The following LRRC4C variants were observed in gnomAD, a reference collection of about 807,000 sequenced individuals.
LRRC4C encodes leucine-rich repeat-containing protein 4C.
Under a neutral mutation model 33.6 loss-of-function variants are expected in LRRC4C, and 5 were observed. The ratio of observed to expected loss-of-function variants is 0.15; its 90% confidence interval spans 0.08 to 0.31. The LOEUF is 0.31. Ranked by LOEUF, LRRC4C falls within the 10% of genes least tolerant of loss-of-function variation. The pLI is 1.00. For missense variants in LRRC4C, 560 were observed against 796.7 expected (o/e 0.70, Z 3.58); for synonymous variants, 329 against 302.0 (o/e 1.09, Z -0.93).
chr11:40,283,440 A>G (rs181075900), intron 4 of LRRC4C, among the ~76,000 whole-genome samples: 1 of 152,134 alleles, frequency 6.6e-6, no homozygotes, highest in Admixed American at 6.6e-5. Flanking sequence ...AAAAATTGCA[A>G]TGTTTTATTA....
At chr11:40,364,496 A>T (rs572393154) in intron 3 of LRRC4C, among the ~76,000 whole-genome samples, 1 of 152,110 alleles carries the variant, frequency 6.6e-6, no homozygotes, top group East Asian at 1.9e-4. Context: ...AGCAAATGGA[A>T]CTTGAATACA....
chr11:40,559,175 A>G (rs563777298), intron 3 of LRRC4C, among the ~76,000 whole-genome samples: 55 of 141,286 alleles, frequency 3.9e-4, no homozygotes, highest in African/African-American at 1.4e-3. Context: ...ATTCGCTTGC[A>G]TGCGTCTTTT....
At chr11:40,245,940 T>A (rs539940237) in intron 4 of LRRC4C, among the ~76,000 whole-genome samples, 27 of 152,032 alleles carry the variant, frequency 1.8e-4, no homozygotes, top group Admixed American at 1.8e-3. Context: ...TTAAAATTCT[T>A]AGATACATGA....
intron 3 of LRRC4C, among the ~76,000 whole-genome samples, chr11:40,579,343 A>G (rs1342147241): frequency 1.3e-5 from 2 of 151,704 alleles, no homozygotes; most frequent in African/African-American, 2.4e-5. Context: ...AAAGGAATAG[A>G]AAAAAAAGTA....
At chr11:41,253,031 CAAAATGTTATTTTGAGTAA>C (rs1201146095) in intron 1 of LRRC4C, among the ~76,000 whole-genome samples, 1 of 152,054 alleles carries the variant, frequency 6.6e-6, no homozygotes, top group Non-Finnish European at 1.5e-5. Context: ...TTTAACTCAC[CAAAATGTTATTTTGAGTAA>C]GAGTCAAGAC....
At chr11:41,192,768 G>T (rs1428775427) in intron 1 of LRRC4C, among the ~76,000 whole-genome samples, 1 of 152,096 alleles carries the variant, frequency 6.6e-6, no homozygotes, top group Non-Finnish European at 1.5e-5. Context: ...GTAAGGTTAA[G>T]AATCTAAAGC....
intron 1 of LRRC4C, among the ~76,000 whole-genome samples, chr11:41,314,724 C>T (rs74748048): frequency 0.015 from 2,229 of 151,812 alleles, 57 homozygotes; most frequent in African/African-American, 0.05. Flanking sequence ...GTGCAGCAAA[C>T]GAACAGGGCA....
chr11:41,132,385 T>C (rs1304662746), intron 1 of LRRC4C, among the ~76,000 whole-genome samples: 1 of 152,160 alleles, frequency 6.6e-6, no homozygotes, highest in African/African-American at 2.4e-5. Context: ...TAAATGTATT[T>C]TTAAAACTTT....
intron 3 of LRRC4C, among the ~76,000 whole-genome samples, chr11:40,635,628 A>ATTTTTTTTTTTTTTTTTTTTTTTTT (rs71060975): frequency 2.2e-5 from 2 of 92,198 alleles, no homozygotes; most frequent in African/African-American, 8.1e-5. Flanking sequence ...AAAGAACCAA[A>ATTTTTTTTTTTTTTTTTTTTTTTTT]TTTTTTTTTT....
chr11:41,284,940 C>T (rs143347682), intron 1 of LRRC4C, among the ~76,000 whole-genome samples: 20 of 152,178 alleles, frequency 1.3e-4, no homozygotes, highest in Non-Finnish European at 2.5e-4. Flanking sequence ...AATGAGTCCA[C>T]GGCTAAGGCA....
At chr11:40,591,362 A>T (rs559164438) in intron 3 of LRRC4C, among the ~76,000 whole-genome samples, 6 of 152,172 alleles carry the variant, frequency 3.9e-5, no homozygotes, top group East Asian at 1.9e-4. Flanking sequence ...GGACCCACTG[A>T]CCTGCGCCCA....
At chr11:40,829,077 T>C (rs1016114707) in intron 2 of LRRC4C, among the ~76,000 whole-genome samples, 2 of 152,054 alleles carry the variant, frequency 1.3e-5, no homozygotes, top group South Asian at 4.1e-4. Context: ...TGCCCAGTAA[T>C]GTTTACATCA....
intron 4 of LRRC4C, among the ~76,000 whole-genome samples, chr11:40,315,174 TAAAC>T (rs1452640296): frequency 6.6e-6 from 1 of 151,818 alleles, no homozygotes; most frequent in Non-Finnish European, 1.5e-5. Context: ...TTATGTCAGT[TAAAC>T]AAAATTGAAA....
intron 1 of LRRC4C, among the ~76,000 whole-genome samples, chr11:41,156,343 A>C (rs1359001558): frequency 6.6e-6 from 1 of 152,188 alleles, no homozygotes; most frequent in Non-Finnish European, 1.5e-5. Context: ...ATATTGAATA[A>C]ATATCTTACT....
chr11:41,012,832 T>C (rs561160112), intron 1 of LRRC4C, among the ~76,000 whole-genome samples: 1 of 152,320 alleles, frequency 6.6e-6, no homozygotes, highest in Admixed American at 6.5e-5. Context: ...ATTTCTCCGA[T>C]GATTTGTGGT....
At chr11:41,351,272 T>C (rs1345058307) in intron 1 of LRRC4C, among the ~76,000 whole-genome samples, 1 of 140,452 alleles carries the variant, frequency 7.1e-6, no homozygotes, top group Non-Finnish European at 1.6e-5. Flanking sequence ...CACACACACA[T>C]ACATTTTCCA....
chr11:40,512,087 A>G (rs1296756560), intron 3 of LRRC4C, among the ~76,000 whole-genome samples: 1 of 152,216 alleles, frequency 6.6e-6, no homozygotes, highest in Non-Finnish European at 1.5e-5. Context: ...ACCTTGCCCT[A>G]TATCCTAAAT....
At chr11:40,185,528 T>C (rs1590648161) in intron 5 of LRRC4C, among the ~76,000 whole-genome samples, 1 of 152,112 alleles carries the variant, frequency 6.6e-6, no homozygotes, top group South Asian at 2.1e-4. Context: ...TCTGAAAAGG[T>C]GTAATGAAGG....
rs74854208 is a variant in LRRC4C at position 40,178,973 on chromosome 11, A to C, written c.-95-38120T>G. 1.8e-3 allele frequency among the ~76,000 whole-genome samples: 268 copies of C among 151,052 alleles called. 1 individual carries two copies. The highest frequency in any genetic ancestry group is 6.3e-3 in the African/African-American group (258 of 41,172). On this transcript the variant is annotated intron_variant, in intron 5 of 6. Transcript: ENST00000528697. ...TGGTTCACCAAACCACTCACACTTG[A>C]AAAGCTATCCCTTATTTTTTTTTCT...
Sources: allele counts gnomAD v4.1 joint callset (sites outside exome capture counted in the v4.1 genomes callset), GRCh38; gene constraint gnomAD v4.1.1; transcripts MANE v1.5; gene names NCBI Gene and HGNC (gene_info 2026-07-23, HGNC 2026-07-21).